KIF24: variants seen among roughly 807,000 people sequenced by gnomAD.
KIF24 encodes the protein kinesin-like protein KIF24.
A neutral mutation model predicts 118.9 loss-of-function variants in KIF24; 81 were observed. The ratio of observed to expected loss-of-function variants is 0.68; its 90% CI spans 0.57 to 0.82. The LOEUF (loss-of-function observed/expected upper bound fraction) is 0.82. Among genes scored for constraint, KIF24 ranks in the 40% least tolerant of loss-of-function variants. The pLI is 0.00. For synonymous variants in KIF24, 599 were observed against 610.0 expected (o/e 0.98, Z 0.27); for missense variants, 1,560 against 1,661.6 (o/e 0.94, Z 1.06).
Position 34,270,783 on chromosome 9 carries a change from T to A in KIF24, c.1337+1026A>T, listed in dbSNP as rs191383038. ...CACTTAATTTTTACCTTTTTTTTTT[T>A]TTTGAGACGGAGTCTCGCTCTGTTG... On this transcript the variant is annotated intron_variant, in intron 7 of 12. Transcript: ENST00000402558. Among the ~76,000 whole-genome samples the A allele has an allele frequency of 3.6e-3, 550 of 151,416 alleles. 7 individuals are homozygous for A. The highest frequency in any genetic ancestry group is 0.012 in the African/African-American group (512 of 41,388).
At chr9:34,299,886 T>A (rs1836634521) in intron 3 of KIF24, among the ~76,000 whole-genome samples, 1 of 151,610 alleles carries the variant, frequency 6.6e-6, no homozygotes, top group South Asian at 2.1e-4. Context: ...ATATGAGAAA[T>A]CCTAGTAATT....
chr9:34,262,849 A>G (rs13288273), intron 9 of KIF24, among the ~76,000 whole-genome samples: 48,615 of 150,024 alleles, frequency 0.32, 9,650 homozygotes, highest in Non-Finnish European at 0.45. Context: ...TGACAGAGTA[A>G]GACCCTGTCT....
intron 3 of KIF24, among the ~76,000 whole-genome samples, chr9:34,301,956 T>C (rs1224280594): frequency 1.3e-5 from 2 of 152,136 alleles, no homozygotes; most frequent in African/African-American, 4.8e-5. Context: ...TATTTCAGAT[T>C]TCAGTGTCAT....
intron 1 of KIF24, among the ~76,000 whole-genome samples, chr9:34,319,867 C>T (rs1837458511): frequency 6.6e-6 from 1 of 152,148 alleles, no homozygotes; most frequent in Admixed American, 6.5e-5. Context: ...GATGCTGAGC[C>T]CAGAAACTCC....
rs58895274 is a variant in KIF24, at chr9:34,271,325, CAAA to C, written c.1337+481_1337+483del. On this transcript the variant is annotated intron_variant, in intron 7 of 12. Coordinates refer to ENST00000402558, the MANE Select transcript of KIF24 (RefSeq NM_194313.4). ...GAAACTTTTGCGGACAGCAATCCAG[CAAA>C]AAAAAAAAAAAAAAAGAAAAAGAAA... 1.5e-3 allele frequency among the ~76,000 whole-genome samples: 158 copies of C among 107,302 alleles called. No homozygotes were observed. In the Middle Eastern group the frequency reaches 0.032, roughly 21 times the overall value. The allele number at this position is 107,302 out of a possible 152,430, so 70.4% of individuals were successfully genotyped here.
rs147778945 is a variant in KIF24 at position 34,287,880 on chromosome 9, C to T, written c.1128-1176G>A. The stretch of plus-strand genomic sequence containing the variant: ...CTGTGAATAGTCACTATGTTACAGC[C>T]GCGTAACACAGCAAGAGCCCATCTC... On this transcript the variant is annotated intron_variant, in intron 5 of 12. Coordinates refer to ENST00000402558, the MANE Select transcript of KIF24 (RefSeq NM_194313.4). Among the ~76,000 whole-genome samples, 83 of 149,474 alleles carry T rather than the reference C, an allele frequency of 5.6e-4. 1 individual carries two copies. In the East Asian group the frequency reaches 0.015, roughly 27 times the overall value.
chr9:34,307,871 AAAAAAAAAG>A (rs1172731323), intron 2 of KIF24, among the ~76,000 whole-genome samples: 3 of 151,964 alleles, frequency 2.0e-5, no homozygotes, highest in African/African-American at 4.8e-5. Flanking sequence ...AAAAAAAAAA[AAAAAAAAAG>A]AAAAAAGAAA....
rs138872348 is a variant in KIF24 at position 34,254,901 on chromosome 9, T to C, written c.3966+171A>G. Among the ~76,000 whole-genome samples, 771 of 152,264 alleles carry C rather than the reference T, an allele frequency of 5.1e-3. 3 individuals carry two copies. The highest frequency in any genetic ancestry group is 8.7e-3 in the Non-Finnish European group (594 of 68,002). Reference sequence around the variant, plus strand: ...TTGCACCATCTCCCACCTGTACCTATACTCAAGATGTCTCAAAGGCGTGGC... The same window carrying C: ...TTGCACCATCTCCCACCTGTACCTACACTCAAGATGTCTCAAAGGCGTGGC... On this transcript the variant is annotated intron_variant, in intron 12 of 12. Transcript: ENST00000402558.
intron 2 of KIF24, among the ~76,000 whole-genome samples, chr9:34,307,942 T>G (rs895504360): frequency 6.6e-6 from 1 of 152,082 alleles, no homozygotes; most frequent in Non-Finnish European, 1.5e-5. Flanking sequence ...TTTTTTCTTC[T>G]TTTGCATATG....
At chr9:34,275,700 C>A (rs1835634305) in intron 6 of KIF24, among the ~76,000 whole-genome samples, 1 of 151,546 alleles carries the variant, frequency 6.6e-6, no homozygotes, top group Admixed American at 6.6e-5. Context: ...ACTAGCTGGG[C>A]ATGGTGATGC....
chr9:34,306,529 G>A (rs1475916066), intron 2 of KIF24, 88 bp from the exon 3 acceptor site: 24 of 929,140 alleles, frequency 2.6e-5, no homozygotes, highest in Non-Finnish European at 3.6e-5. Flanking sequence ...TTAGCCGGGC[G>A]CGGTGGCTTA....
intron 4 of KIF24, among the ~76,000 whole-genome samples, chr9:34,295,591 T>C (rs1243590582): frequency 6.6e-6 from 1 of 152,124 alleles, no homozygotes; most frequent in African/African-American, 2.4e-5. Context: ...GATGGGAGGA[T>C]TGCTTGAACC....
intron 8 of KIF24, among the ~76,000 whole-genome samples, chr9:34,264,149 C>T (rs1835196336): frequency 1.3e-5 from 2 of 151,840 alleles, no homozygotes; most frequent in African/African-American, 4.8e-5. Flanking sequence ...GAGCTGGGTG[C>T]AGTGGCTCAT....
chr9:34,259,724 AGGTCAAT>A lies in KIF24; in HGVS notation c.1516-26_1516-20del, dbSNP rs750771571. 1.3e-6 allele frequency: 2 copies of A among 1,533,214 alleles called. No individual in the cohort carries two copies. Among genetic ancestry groups the A allele is most frequent in the Non-Finnish European group, 1.8e-6 (2 of 1,106,356 alleles). 95.0% of individuals were successfully genotyped at this position (1,533,214 alleles called of 1,614,324 possible). ...TCAGGACCTGTCCAAAACAGAAGGC[AGGTCAAT>A]GAGTGAAGTCAATTAACAAAGTGCA... On this transcript the variant is annotated intron_variant, in intron 9 of 12. Transcript: ENST00000402558.
chr9:34,304,033 T>C (rs1164447443), intron 3 of KIF24, among the ~76,000 whole-genome samples: 1 of 152,182 alleles, frequency 6.6e-6, no homozygotes. Context: ...TATATTGATA[T>C]AAAGTTTAAT....
In KIF24 at chr9:34,311,174, A is replaced by G. The variant is rs935097361; in HGVS notation, c.173T>C (p.Ile58Thr). Reference sequence around the variant, plus strand: ...TTCTTGCATAATCTTAATAATTTTGATAAGTTGGAAGAGACGTTTGCGGTC... The same window carrying G: ...TTCTTGCATAATCTTAATAATTTTGGTAAGTTGGAAGAGACGTTTGCGGTC... ...MNDRKRLFQL[I>T]KIIKIMQEED... The change falls in exon 2 of 13, where the codon ATC becomes ACC. Residue 58 changes from isoleucine (I) to threonine (T), a missense_variant. Ile to Thr is a moderately conservative substitution (Grantham distance 89, BLOSUM62 -1). Coordinates refer to ENST00000402558, the MANE Select transcript of KIF24 (RefSeq NM_194313.4). 16 of 1,613,504 alleles carry G rather than the reference A, an allele frequency of 9.9e-6. No homozygotes were observed. The highest frequency in any genetic ancestry group is 6.7e-5 in the East Asian group (3 of 44,880).
chr9:34,272,733 C>G (rs1453074963), intron 6 of KIF24, among the ~76,000 whole-genome samples: 1 of 152,136 alleles, frequency 6.6e-6, no homozygotes, highest in Non-Finnish European at 1.5e-5. Flanking sequence ...AGAGGTACTC[C>G]CGGCTCAGCC....
intron 9 of KIF24, among the ~76,000 whole-genome samples, chr9:34,262,409 A>T (rs1034384291): frequency 2.0e-5 from 3 of 151,708 alleles, no homozygotes; most frequent in Non-Finnish European, 2.9e-5. Context: ...GTTGTTTTGG[A>T]TTTCAGATTT....
intron 3 of KIF24, among the ~76,000 whole-genome samples, chr9:34,304,894 A>AT (rs930541565): frequency 5.3e-5 from 8 of 151,990 alleles, no homozygotes; most frequent in African/African-American, 1.4e-4. Flanking sequence ...AGCATACCAG[A>AT]TTTTTTTTTC....
Sources: allele counts gnomAD v4.1 joint callset (sites outside exome capture counted in the v4.1 genomes callset), GRCh38; gene constraint gnomAD v4.1.1; transcripts MANE v1.5; gene names NCBI Gene and HGNC (gene_info 2026-07-23, HGNC 2026-07-21).